MEF2C: variants seen among roughly 807,000 people sequenced by gnomAD.
The protein encoded by MEF2C is myocyte-specific enhancer factor 2C.
MEF2C carries 6 observed loss-of-function variants against 50.5 expected under a neutral mutation model. The observed-to-expected ratio is 0.12, with a 90% confidence interval of 0.07 to 0.23. MEF2C has a LOEUF of 0.23. Among genes scored for constraint, MEF2C ranks in the 10% least tolerant of loss-of-function variants. MEF2C has a pLI of 1.00. For missense variants in MEF2C, 276 were observed against 605.0 expected (o/e 0.46, Z 5.70); for synonymous variants, 183 against 228.0 (o/e 0.80, Z 1.78).
chr5:88,893,904 A>G (rs1236087792), intron 1 of MEF2C, among the ~76,000 whole-genome samples: 1 of 152,254 alleles, frequency 6.6e-6, no homozygotes, highest in Non-Finnish European at 1.5e-5. Flanking sequence ...AGACTCAAAC[A>G]AAAGGCCAGA....
In MEF2C at chr5:88,736,635, C is replaced by G. The variant is rs1036842588; in HGVS notation, c.638-4734G>C. On this transcript the variant is annotated intron_variant, in intron 6 of 10. Transcript: ENST00000504921. ...CAGAGGAGTTCCTTAAAGCTGTATG[C>G]AAACTTTTGTGCATTTGTGTGATGC... 7.1e-6 allele frequency: 7 copies of G among 984,986 alleles called. No homozygotes were observed. The African/African-American group carries it at 1.2e-4, about 17-fold the overall frequency. The allele number at this position is 984,986 out of a possible 1,614,324, so 61.0% of individuals were successfully genotyped here.
chr5:88,795,878 T>C (rs1022860830), intron 3 of MEF2C, among the ~76,000 whole-genome samples: 12 of 152,226 alleles, frequency 7.9e-5, no homozygotes, highest in African/African-American at 2.9e-4. Flanking sequence ...GACGCCCTTT[T>C]CTGCATCTAT....
rs564685904 is a variant in MEF2C, at chr5:88,779,180, G to A, written c.259-17852C>T. On this transcript the variant is annotated intron_variant, in intron 3 of 10. Coordinates refer to ENST00000504921, the MANE Select transcript of MEF2C (RefSeq NM_002397.5). ...TTAACCACATATTAACCACCTAATA[G>A]TTTTAAAATGTCTCAAACAGCCATC... 2.6e-5 allele frequency among the ~76,000 whole-genome samples: 4 copies of A among 152,272 alleles called. No homozygotes were observed. In the East Asian group the frequency reaches 7.7e-4, roughly 29 times the overall value.
intron 3 of MEF2C, among the ~76,000 whole-genome samples, chr5:88,803,714 C>T (rs934700674): frequency 3.3e-5 from 5 of 151,954 alleles, no homozygotes; most frequent in Non-Finnish European, 5.9e-5. Flanking sequence ...TAAATAGGAT[C>T]GATGCTGAAA....
chr5:88,782,051 C>T, intron 3 of MEF2C: 3 of 758,598 alleles, frequency 4.0e-6, no homozygotes, highest in Non-Finnish European at 4.8e-6. Flanking sequence ...TTGAGAAGAG[C>T]CCAGGCAACC....
At position 88,728,712 on chromosome 5, in the gene MEF2C, C is replaced by G. The variant is rs374971549; in HGVS notation, c.965-84G>C. The G allele has an allele frequency of 2.0e-5, 20 of 980,274 alleles. No individual in the cohort carries two copies. The East Asian group carries it at 3.6e-4, about 17-fold the overall frequency. The allele number at this position is 980,274 out of a possible 1,614,324, so 60.7% of individuals were successfully genotyped here. A position where few individuals can be genotyped will look rare whatever the true frequency, so the allele number is the denominator to read the frequency against. ...AAATAGAATAAACATTTTCAATTTC[C>G]AAAATATTCTATTAGGATTATCGTT... is the stretch of plus-strand genomic sequence containing the variant. On this transcript the variant is annotated intron_variant, in intron 9 of 10. Transcript: ENST00000504921.
At chr5:88,749,886 C>T (rs1771807462) in intron 5 of MEF2C, among the ~76,000 whole-genome samples, 1 of 151,894 alleles carries the variant, frequency 6.6e-6, no homozygotes, top group Admixed American at 6.6e-5. Context: ...AAAAATTAGC[C>T]GGGCGTGGTG....
chr5:88,748,147 G>C (rs1228842757), intron 6 of MEF2C: 1 of 981,884 alleles, frequency 1.0e-6, no homozygotes, highest in African/African-American at 1.7e-5. Context: ...TTATAAAAAT[G>C]TATTTGTAAA....
chr5:88,745,676 A>G (rs917388573), intron 6 of MEF2C, among the ~76,000 whole-genome samples: 3 of 152,154 alleles, frequency 2.0e-5, no homozygotes, highest in Non-Finnish European at 4.4e-5. Flanking sequence ...TTAGCCAGGC[A>G]TGGTGGTGCA....
At chr5:88,762,442 A>G (rs1778281963) in intron 3 of MEF2C, among the ~76,000 whole-genome samples, 2 of 151,838 alleles carry the variant, frequency 1.3e-5, no homozygotes, top group Admixed American at 1.3e-4. Flanking sequence ...TAATTTCTGT[A>G]TATTTAGTAG....
intron 1 of MEF2C, among the ~76,000 whole-genome samples, chr5:88,845,906 C>T (rs1819147850): frequency 6.6e-6 from 1 of 151,728 alleles, no homozygotes; most frequent in Non-Finnish European, 1.5e-5. Flanking sequence ...AATTTTGGTG[C>T]TGATAATTTT....
intron 6 of MEF2C, among the ~76,000 whole-genome samples, chr5:88,747,777 G>C (rs1770610967): frequency 6.6e-6 from 1 of 151,934 alleles, no homozygotes; most frequent in Admixed American, 6.6e-5. Flanking sequence ...ATTATATCTT[G>C]GTCTTTGTGA....
In MEF2C at chr5:88,834,110, C is replaced by T. The variant is rs541376854; in HGVS notation, c.-142-10180G>A. On this transcript the variant is annotated intron_variant, in intron 1 of 10. Coordinates refer to ENST00000504921, the MANE Select transcript of MEF2C (RefSeq NM_002397.5). ...TAAAACATGCTGGGGCTGTGTAACA[C>T]ACTGTTCGAATACTTCAGAACTTCT... 2.6e-5 allele frequency among the ~76,000 whole-genome samples: 4 copies of T among 152,256 alleles called. No individual in the cohort carries two copies. In the South Asian group the frequency reaches 8.3e-4, roughly 32 times the overall value.
At chr5:88,835,831 A>C (rs1471548517) in intron 1 of MEF2C, among the ~76,000 whole-genome samples, 1 of 150,666 alleles carries the variant, frequency 6.6e-6, no homozygotes, top group Non-Finnish European at 1.5e-5. Flanking sequence ...AAAAAAAAAA[A>C]GGAAGGATTA....
intron 6 of MEF2C, among the ~76,000 whole-genome samples, chr5:88,744,718 A>G (rs1768527730): frequency 6.6e-6 from 1 of 152,196 alleles, no homozygotes; most frequent in South Asian, 2.1e-4. Context: ...CTTGCTGTAT[A>G]TTTCTCTTAT....
chr5:88,802,803 C>T (rs1798911214), intron 3 of MEF2C, among the ~76,000 whole-genome samples: 1 of 152,132 alleles, frequency 6.6e-6, no homozygotes, highest in African/African-American at 2.4e-5. Flanking sequence ...CTAAGAAAAA[C>T]CCTCAGAAGA....
intron 3 of MEF2C, chr5:88,766,526 G>A (rs1314287634): frequency 6.4e-6 from 3 of 470,430 alleles, no homozygotes; most frequent in African/African-American, 6.4e-5. Flanking sequence ...GTAAAATTCA[G>A]CTTTTTTTCA....
At chr5:88,836,696 T>A (rs1346253163) in intron 1 of MEF2C, among the ~76,000 whole-genome samples, 1 of 152,212 alleles carries the variant, frequency 6.6e-6, no homozygotes, top group African/African-American at 2.4e-5. Flanking sequence ...TATCTCAGCA[T>A]GTCTACACAT....
intron 6 of MEF2C, chr5:88,744,184 T>C (rs574804708): frequency 1.1e-6 from 1 of 935,932 alleles, no homozygotes; most frequent in Admixed American, 7.8e-5. Flanking sequence ...AATGGTTATT[T>C]CCATTAAATC....
Sources: allele counts gnomAD v4.1 joint callset (sites outside exome capture counted in the v4.1 genomes callset), GRCh38; gene constraint gnomAD v4.1.1; transcripts MANE v1.5; gene names NCBI Gene and HGNC (gene_info 2026-07-23, HGNC 2026-07-21).